Variants in BBOX1 observed in about 807,000 individuals in gnomAD.
BBOX1 encodes the protein gamma-butyrobetaine dioxygenase.
BBOX1 carries 35 observed loss-of-function variants against 41.6 expected under a neutral mutation model. The ratio of observed to expected loss-of-function variants is 0.84; its 90% confidence interval spans 0.64 to 1.11. The LOEUF (loss-of-function observed/expected upper bound fraction) is 1.11. BBOX1 is among the 50% of genes most tolerant of loss of function. The probability of loss-of-function intolerance (pLI) is 0.00; values close to 1 mark genes in which losing one functional copy is unlikely to be tolerated. For missense variants in BBOX1, 458 were observed against 460.6 expected, an observed-to-expected ratio of 0.99 and a Z score of 0.05; for synonymous variants, 163 against 154.7, an observed-to-expected ratio of 1.05 and a Z score of -0.40.
intron 4 of BBOX1, among the ~76,000 whole-genome samples, chr11:27,082,932 C>A (rs1857901689): frequency 6.6e-6 from 1 of 151,976 alleles, no homozygotes; most frequent in Non-Finnish European, 1.5e-5. Flanking sequence ...TTTTTGTTTT[C>A]TCCAGCTAGA....
chr11:27,044,199 G>A (rs114558625), intron 2 of BBOX1, among the ~76,000 whole-genome samples: 4,107 of 152,224 alleles, frequency 0.027, 189 homozygotes, highest in African/African-American at 0.093. Context: ...GACTAGTGAC[G>A]ATGAGCTTTT....
At chr11:27,101,590 T>C (rs980975852) in intron 5 of BBOX1, among the ~76,000 whole-genome samples, 1 of 152,138 alleles carries the variant, frequency 6.6e-6, no homozygotes, top group Non-Finnish European at 1.5e-5. Context: ...TTTCTTTATG[T>C]TTTTACAGGT....
At chr11:27,070,359 C>T (rs796974760) in intron 4 of BBOX1, among the ~76,000 whole-genome samples, 5 of 152,076 alleles carry the variant, frequency 3.3e-5, no homozygotes, top group South Asian at 2.1e-4. Flanking sequence ...AGTGGGGTAT[C>T]GAAGTTCCCC....
In BBOX1 at chr11:27,125,680, G is replaced by T. The variant is rs202026071; in HGVS notation, c.863G>T (p.Arg288Leu). Residue 288 changes from arginine to leucine, a missense_variant, in exon 8 of 9, where the codon CGC (arginine) becomes CTC (leucine). Physicochemically the swap from Arg to Leu is moderately radical, Grantham distance 102 (BLOSUM62 -2). Coordinates refer to ENST00000263182, the MANE Select transcript of BBOX1 (RefSeq NM_003986.3). ...IELDDKGQVV[R>L]INFNNATRDT... ...TTAGATGATAAAGGCCAAGTGGTTC[G>T]CATCAACTTCAATAACGCAACTAGG... is the stretch of plus-strand genomic sequence containing the variant. 4 of 1,585,394 alleles carry T rather than the reference G, an allele frequency of 2.5e-6. No individual in the cohort carries two copies. The highest frequency in any genetic ancestry group is 2.3e-5 in the East Asian group (1 of 43,174).
intron 5 of BBOX1, 145 bp from the exon 6 acceptor site, chr11:27,115,307 A>T (rs1326041627): frequency 8.2e-6 from 5 of 609,996 alleles, no homozygotes; most frequent in Non-Finnish European, 8.2e-6. Flanking sequence ...GAAAGGTCAG[A>T]TTCCTTGTCT....
intron 2 of BBOX1, among the ~76,000 whole-genome samples, chr11:27,041,706 T>A (rs1050428675): frequency 1.3e-5 from 2 of 152,130 alleles, no homozygotes; most frequent in African/African-American, 4.8e-5. Context: ...ATGCAGTGGA[T>A]CTGATTGCTT....
At chr11:27,104,838 G>C (rs181892715) in intron 5 of BBOX1, among the ~76,000 whole-genome samples, 1 of 152,112 alleles carries the variant, frequency 6.6e-6, no homozygotes, top group African/African-American at 2.4e-5. Flanking sequence ...GGGAGACACC[G>C]CCCATTAGGG....
At position 27,119,700 on chromosome 11, in the gene BBOX1, A is replaced by G. The variant is rs371391619; in HGVS notation, c.691A>G (p.Ile231Val). 4 of 1,571,570 alleles carry G rather than the reference A, an allele frequency of 2.5e-6. No homozygotes were observed. Among genetic ancestry groups the G allele is most frequent in the East Asian group, 2.4e-5 (1 of 42,000 alleles). Residue 231 changes from isoleucine (I) to valine (V), a missense_variant, in exon 7 of 9, where the codon ATT becomes GTT. Physicochemically the swap from Ile to Val is conservative, Grantham distance 29 (BLOSUM62 3). Coordinates refer to ENST00000263182, the MANE Select transcript of BBOX1 (RefSeq NM_003986.3). ...KQTVTGGDSEIVDGFNVCQKL... is the reference protein window; with the variant it reads ...KQTVTGGDSEVVDGFNVCQKL... Reference sequence around the variant, plus strand: ...AACAGTCACAGGGGGTGATTCAGAAATTGTAGATGGGTTTAATGTGTGCCA... The same window carrying G: ...AACAGTCACAGGGGGTGATTCAGAAGTTGTAGATGGGTTTAATGTGTGCCA...
chr11:27,065,633 A>G (rs1857258931), intron 4 of BBOX1, among the ~76,000 whole-genome samples: 1 of 152,130 alleles, frequency 6.6e-6, no homozygotes, highest in Admixed American at 6.5e-5. Context: ...AGATAAACTT[A>G]TCTTCCTCTT....
chr11:27,052,324 A>G (rs1346672931), intron 2 of BBOX1, among the ~76,000 whole-genome samples: 1 of 152,076 alleles, frequency 6.6e-6, no homozygotes. Context: ...ACATTTTTAC[A>G]ACAGCTCCAT....
Position 27,093,260 on chromosome 11 carries a change from A to C in BBOX1, c.427A>C (p.Thr143Pro), listed in dbSNP as rs1858316141. The C allele has an allele frequency of 6.2e-7, 1 of 1,612,358 alleles. No individual in the cohort carries two copies. ...TGAACACGCATACAAGTGGCTCTCC[A>C]CCCTCAAGAAAGTAGGCATAGTAAG... ...YDEHAYKWLS[T>P]LKKVGIVRLT... is the part of the protein sequence containing the mutation. The change falls in exon 5 of 9, where the codon ACC becomes CCC. Residue 143 changes from threonine to proline, a missense_variant. Thr to Pro is a conservative substitution (Grantham distance 38). Coordinates refer to ENST00000263182, the MANE Select transcript of BBOX1 (RefSeq NM_003986.3).
Position 27,055,413 on chromosome 11 carries a change from C to G in BBOX1, c.-18C>G. ...CATAGCAGGTAGCTGACAGCATCTA[C>G]TCCTGAAGACCGGAAACATGGCTTG... On this transcript the variant is annotated 5_prime_UTR_variant, in exon 3 of 9. Transcript: ENST00000263182. The G allele has an allele frequency of 6.2e-7, 1 of 1,609,744 alleles. No homozygotes were observed. The highest frequency in any genetic ancestry group is 1.1e-5 in the South Asian group (1 of 90,938).
At chr11:27,079,719 G>T (rs1380610151) in intron 4 of BBOX1, among the ~76,000 whole-genome samples, 2 of 152,036 alleles carry the variant, frequency 1.3e-5, no homozygotes, top group Non-Finnish European at 2.9e-5. Context: ...GGAAAAAAAT[G>T]AGGAAAACCA....
At chr11:27,069,917 T>A (rs1350692828) in intron 4 of BBOX1, among the ~76,000 whole-genome samples, 2 of 152,156 alleles carry the variant, frequency 1.3e-5, no homozygotes, top group Non-Finnish European at 2.9e-5. Context: ...GTTTATGTGA[T>A]GTATAGTAGT....
intron 2 of BBOX1, among the ~76,000 whole-genome samples, chr11:27,046,090 T>C (rs1851478706): frequency 6.6e-6 from 1 of 152,150 alleles, no homozygotes. Flanking sequence ...TGAGCTTCCA[T>C]TTTCCCTGCA....
chr11:27,093,291 C>T lies in BBOX1; in HGVS notation c.458C>T (p.Thr153Ile). The T allele has an allele frequency of 1.2e-6, 2 of 1,612,530 alleles. No individual in the cohort carries two copies. Among genetic ancestry groups the T allele is most frequent in the Non-Finnish European group, 1.7e-6 (2 of 1,179,050 alleles). The change falls in exon 5 of 9, where the codon ACC becomes ATC. Residue 153 changes from threonine to isoleucine, a missense_variant. Coordinates refer to ENST00000263182, the MANE Select transcript of BBOX1 (RefSeq NM_003986.3). ...TLKKVGIVRL[T>I]GASDKPGEVS... is the part of the protein sequence containing the mutation. ...AAGAAAGTAGGCATAGTAAGACTCA[C>T]CGGAGCATCTGACAAACCAGGAGAA...
At chr11:27,094,514 T>C (rs1009727208) in intron 5 of BBOX1, among the ~76,000 whole-genome samples, 5 of 152,008 alleles carry the variant, frequency 3.3e-5, no homozygotes, top group Non-Finnish European at 7.4e-5. Flanking sequence ...TGAAAAATCA[T>C]ATCTAGCAAC....
chr11:27,104,226 C>G lies in BBOX1; in HGVS notation c.533+10860C>G, dbSNP rs768565368. 7.2e-5 allele frequency among the ~76,000 whole-genome samples: 11 copies of G among 152,128 alleles called. 1 individual carries two copies. The highest frequency in any genetic ancestry group is 1.3e-4 in the Non-Finnish European group (9 of 68,028). On this transcript the variant is annotated intron_variant, in intron 5 of 8. Coordinates refer to ENST00000263182, the MANE Select transcript of BBOX1 (RefSeq NM_003986.3). ...TCCCCTCCGAAGTTTAACCGCCATT[C>G]TCACATTGCCCCACTGCACTGTCCA... is the stretch of plus-strand genomic sequence containing the variant.
chr11:27,113,644 G>A (rs2134090794), intron 5 of BBOX1, among the ~76,000 whole-genome samples: 1 of 151,774 alleles, frequency 6.6e-6, no homozygotes, highest in South Asian at 2.1e-4. Flanking sequence ...TAGACACCTG[G>A]GCCTTTGTGA....
Sources: allele counts gnomAD v4.1 joint callset (sites outside exome capture counted in the v4.1 genomes callset), GRCh38; gene constraint gnomAD v4.1.1; transcripts MANE v1.5; gene names NCBI Gene and HGNC (gene_info 2026-07-23, HGNC 2026-07-21).